NES: variants seen among roughly 807,000 people sequenced by gnomAD.
The protein encoded by NES is nestin.
In NES, 27 loss-of-function variants were observed where a neutral mutation model predicts 35.6. The observed-to-expected ratio is 0.76, with a 90% CI of 0.56 to 1.04. The LOEUF (loss-of-function observed/expected upper bound fraction) is 1.04, where lower values mean the gene tolerates loss of function less well. NES is among the 50% of genes least tolerant of loss of function. The probability of loss-of-function intolerance (pLI) is 0.00; values close to 1 mark genes in which losing one functional copy is unlikely to be tolerated. For missense variants in NES, 1,867 were observed against 1,983.6 expected (o/e 0.94, Z 1.12); for synonymous variants, 822 against 824.2 (o/e 1.00, Z 0.04).
rs1571468172 is a variant in NES, at chr1:156,677,371, G to A, written c.-107C>T. 2.1e-5 allele frequency: 10 copies of A among 487,156 alleles called. No homozygotes were observed. The highest frequency in any genetic ancestry group is 3.8e-5 in the Admixed American group (1 of 26,310). 30.2% of individuals were successfully genotyped at this position (487,156 alleles called of 1,614,324 possible). A position where few individuals can be genotyped will look rare whatever the true frequency, so the allele number is the denominator to read the frequency against. ...GAGAAAAGAGACCGACGGGGACAAT[G>A]ACGGGGCGGGGCGGGGTGGGAGTAG... On this transcript the variant is annotated 5_prime_UTR_variant, in exon 1 of 4. Transcript: ENST00000368223. This position sits in a 1 kb window ranked among gnomAD's most constrained non-coding sequence, Gnocchi z 4.5.
At chr1:156,675,549 C>A (rs1374979244) in intron 1 of NES, among the ~76,000 whole-genome samples, 1 of 152,198 alleles carries the variant, frequency 6.6e-6, no homozygotes, top group Non-Finnish European at 1.5e-5. Flanking sequence ...CCTGTCAGCA[C>A]TCTCAGCTCT....
Position 156,673,436 on chromosome 1 carries a change from C to A in NES, c.982+18G>T. The A allele has an allele frequency of 6.2e-7, 1 of 1,607,320 alleles. No homozygotes were observed. The highest frequency in any genetic ancestry group is 8.5e-7 in the Non-Finnish European group (1 of 1,175,062). On this transcript the variant is annotated intron_variant, in intron 3 of 3. Transcript: ENST00000368223. ...CAAAGCAGGGTAGTTTCTGGGGGAACTTGGCCCCTCCTCTTACCCTGAAAG... is the reference window on the plus strand; with the variant it reads ...CAAAGCAGGGTAGTTTCTGGGGGAAATTGGCCCCTCCTCTTACCCTGAAAG...
intron 1 of NES, among the ~76,000 whole-genome samples, chr1:156,675,821 A>C (rs1647269482): frequency 1.3e-5 from 2 of 151,174 alleles, no homozygotes; most frequent in Non-Finnish European, 1.5e-5. Flanking sequence ...GCAGGCTCTC[A>C]CCCCCGCCCC....
Position 156,672,053 on chromosome 1 carries a change from C to G in NES, c.2135G>C (p.Arg712Thr). 3.7e-6 allele frequency: 6 copies of G among 1,613,390 alleles called. No individual in the cohort carries two copies. The highest frequency in any genetic ancestry group is 5.1e-6 in the Non-Finnish European group (6 of 1,179,956). ...SLEDENKEAF[R>T]SLEKENQEPL... The stretch of plus-strand genomic sequence containing the variant: ...CTCCTGGTTCTCTTTTTCTAGAGAT[C>G]TAAAGGCCTCTTTGTTCTCATCTTC... The change falls in exon 4 of 4, where the codon AGA (arginine) becomes ACA (threonine). Residue 712 changes from arginine (R) to threonine (T), a missense_variant. By Grantham distance (71) the Arg-to-Thr change is moderately conservative (BLOSUM62 -1). Transcript: ENST00000368223.
rs1459683665 is a variant in NES at position 156,676,411 on chromosome 1, C to T, written c.783+71G>A. 4.0e-6 allele frequency: 6 copies of T among 1,516,432 alleles called. No individual in the cohort carries two copies. The Admixed American group carries it at 1.1e-4, about 27-fold the overall frequency. 93.9% of individuals were successfully genotyped at this position (1,516,432 alleles called of 1,614,324 possible). A position where few individuals can be genotyped will look rare whatever the true frequency, so the allele number is the denominator to read the frequency against. ...TAGCCCCACTCCCTTCCCAGAAGGT[C>T]TCTGAGCTTCATAAGGGACTTTCTG... is the stretch of plus-strand genomic sequence containing the variant. On this transcript the variant is annotated intron_variant, in intron 1 of 3. Transcript: ENST00000368223. This position sits in a 1 kb window ranked among gnomAD's most constrained non-coding sequence, Gnocchi z 5.3.
chr1:156,672,974 A>G lies in NES; in HGVS notation c.1214T>C (p.Ile405Thr). 1 of 1,613,978 alleles carries G rather than the reference A, an allele frequency of 6.2e-7. No homozygotes were observed. The change falls in exon 4 of 4, where the codon ATC (isoleucine) becomes ACC (threonine). Residue 405 changes from isoleucine to threonine, a missense_variant. Physicochemically the swap from Ile to Thr is moderately conservative, Grantham distance 89 (BLOSUM62 -1). Coordinates refer to ENST00000368223, the MANE Select transcript of NES (RefSeq NM_006617.2). The stretch of plus-strand genomic sequence containing the variant: ...AGAGAGAGGAGCATCCTGGGCTCTG[A>G]TCTCTGCATCTACAGCAGGAGAGGG... ...QAPSPAVDAE[I>T]RAQDAPLSLL...
chr1:156,670,212 C>T lies in NES; in HGVS notation c.3976G>A (p.Glu1326Lys). Residue 1326 changes from glutamate to lysine, a missense_variant, in exon 4 of 4, where the codon GAG becomes AAG. Coordinates refer to ENST00000368223, the MANE Select transcript of NES (RefSeq NM_006617.2). ...TGEQRPPPQGETGKEGWDPAV... is the reference protein window; with the variant it reads ...TGEQRPPPQGKTGKEGWDPAV... ...GGATCCCAGCCCTCCTTTCCAGTCT[C>T]CCCTTGAGGGGGTGGCCTCTGCTCT... The T allele has an allele frequency of 1.2e-6, 2 of 1,614,068 alleles. No homozygotes were observed. Among genetic ancestry groups the T allele is most frequent in the Non-Finnish European group, 1.7e-6 (2 of 1,179,980 alleles).
intron 2 of NES, among the ~76,000 whole-genome samples, chr1:156,673,992 C>T (rs894207351): frequency 2.6e-5 from 4 of 152,136 alleles, no homozygotes; most frequent in Non-Finnish European, 5.9e-5. Context: ...GGATGGGCTC[C>T]CTCCTCCTTC....
chr1:156,672,901 C>T lies in NES; in HGVS notation c.1287G>A (p.Arg429=). 6.2e-7 allele frequency: 1 copy of T among 1,613,982 alleles called. No homozygotes were observed. ...GGRKQAPEPL[R]AEARVAIPAS... ...CAGGAATGGCCACCCTGGCTTCAGCCCGCAGGGGCTCTGGAGCCTGTTTCC... is the reference window on the plus strand; with the variant it reads ...CAGGAATGGCCACCCTGGCTTCAGCTCGCAGGGGCTCTGGAGCCTGTTTCC... Residue 429 remains arginine (R), a synonymous_variant, in exon 4 of 4, where the codon CGG becomes CGA. Coordinates refer to ENST00000368223, the MANE Select transcript of NES (RefSeq NM_006617.2).
Position 156,671,879 on chromosome 1 carries a change from C to T in NES, c.2309G>A (p.Gly770Glu). 1.2e-6 allele frequency: 2 copies of T among 1,614,004 alleles called. No individual in the cohort carries two copies. The highest frequency in any genetic ancestry group is 8.5e-7 in the Non-Finnish European group (1 of 1,179,972). The change falls in exon 4 of 4, where the codon GGG (glycine) becomes GAG (glutamate). Residue 770 changes from glycine (G) to glutamate (E), a missense_variant. Gly to Glu is a moderately conservative substitution (Grantham distance 98). Coordinates refer to ENST00000368223, the MANE Select transcript of NES (RefSeq NM_006617.2). The part of the protein sequence containing the change: ...KETQQRRRSL[G>E]EQDQMTLRPP... Reference sequence around the variant, plus strand: ...TCTTAATGTCATCTGATCCTGTTCCCCTAGAGACCTCCGTCGCTGTTGAGT... The same window carrying T: ...TCTTAATGTCATCTGATCCTGTTCCTCTAGAGACCTCCGTCGCTGTTGAGT...
In NES at chr1:156,676,503, C is replaced by T. The variant is rs1307635210; in HGVS notation, c.762G>A (p.Leu254=). Residue 254 remains leucine, a synonymous_variant, in exon 1 of 4, where the codon CTG becomes CTA. Coordinates refer to ENST00000368223, the MANE Select transcript of NES (RefSeq NM_006617.2). This position sits in a 1 kb window ranked among gnomAD's most constrained non-coding sequence, Gnocchi z 5.3. ...TCACCTGGAACTTTTCAGTAGCCCGCAGCCGCTCCTGCCAGCGGCCCTCCA... is the reference window on the plus strand; with the variant it reads ...TCACCTGGAACTTTTCAGTAGCCCGTAGCCGCTCCTGCCAGCGGCCCTCCA... ...QRLEGRWQER[L]RATEKFQLAV... is the part of the protein sequence containing the mutation. The T allele has an allele frequency of 6.3e-7, 1 of 1,597,224 alleles. No individual in the cohort carries two copies. The highest frequency in any genetic ancestry group is 1.3e-5 in the African/African-American group (1 of 74,842).
chr1:156,672,044 T>G lies in NES; in HGVS notation c.2144A>C (p.Glu715Ala). ...CTTCAGTGGCTCCTGGTTCTCTTTT[T>G]CTAGAGATCTAAAGGCCTCTTTGTT... is the stretch of plus-strand genomic sequence containing the variant. ...DENKEAFRSL[E>A]KENQEPLKTL... Residue 715 changes from glutamate (E) to alanine (A), a missense_variant, in exon 4 of 4, where the codon GAA becomes GCA. Coordinates refer to ENST00000368223, the MANE Select transcript of NES (RefSeq NM_006617.2). The G allele has an allele frequency of 6.2e-7, 1 of 1,613,708 alleles. No individual in the cohort carries two copies.
Position 156,676,844 on chromosome 1 carries a change from G to C in NES, c.421C>G (p.Arg141Gly). Residue 141 changes from arginine (R) to glycine (G), a missense_variant, in exon 1 of 4, where the codon CGC (arginine) becomes GGC (glycine). Arg to Gly is a moderately radical substitution (Grantham distance 125, BLOSUM62 -2). Transcript: ENST00000368223. The surrounding 1 kb of genome is among the most constrained non-coding windows in gnomAD (Gnocchi z 5.3). Reference protein sequence around the residue: ...AELERELEALRVAHEEERVGL... With the variant: ...AELERELEALGVAHEEERVGL... ...ACGCGCTCCTCCTCGTGCGCCACGC[G>C]TAGAGCCTCTAGCTCGCGCTCCAGC... 6.7e-7 allele frequency: 1 copy of C among 1,491,538 alleles called. No individual in the cohort carries two copies. The highest frequency in any genetic ancestry group is 8.8e-7 in the Non-Finnish European group (1 of 1,134,604). The allele number at this position is 1,491,538 out of a possible 1,614,324, so 92.4% of individuals were successfully genotyped here.
rs1263318813 is a variant in NES, at chr1:156,676,499, C to T, written c.766G>A (p.Ala256Thr). 6.3e-7 allele frequency: 1 copy of T among 1,597,232 alleles called. No homozygotes were observed. The highest frequency in any genetic ancestry group is 8.5e-7 in the Non-Finnish European group (1 of 1,179,204). ...LEGRWQERLRATEKFQLAVEA... is the reference protein window; with the variant it reads ...LEGRWQERLRTTEKFQLAVEA... ...CTCCTCACCTGGAACTTTTCAGTAGCCCGCAGCCGCTCCTGCCAGCGGCCC... is the reference window on the plus strand; with the variant it reads ...CTCCTCACCTGGAACTTTTCAGTAGTCCGCAGCCGCTCCTGCCAGCGGCCC... Residue 256 changes from alanine (A) to threonine (T), a missense_variant, in exon 1 of 4, where the codon GCT (alanine) becomes ACT (threonine). Ala to Thr is a moderately conservative substitution (Grantham distance 58). Coordinates refer to ENST00000368223, the MANE Select transcript of NES (RefSeq NM_006617.2). The surrounding 1 kb of genome is among the most constrained non-coding windows in gnomAD (Gnocchi z 5.3).
chr1:156,676,718 C>CCAGT lies in NES; in HGVS notation c.543_546dup (p.Gly183ThrfsTer50). ...CGCACTGCCCCGCGCCACGCCTCGC[C>CCAGT]CAGTCGCCTTGCCAGCTCCTCTACC... is the stretch of plus-strand genomic sequence containing the variant. On this transcript the variant is annotated frameshift_variant, in exon 1 of 4. Coordinates refer to ENST00000368223, the MANE Select transcript of NES (RefSeq NM_006617.2). LOFTEE classifies it high-confidence loss of function. The surrounding 1 kb of genome is among the most constrained non-coding windows in gnomAD (Gnocchi z 5.3). 7.1e-7 allele frequency: 1 copy of CCAGT among 1,414,382 alleles called. No individual in the cohort carries two copies. Among genetic ancestry groups the CCAGT allele is most frequent in the Non-Finnish European group, 9.1e-7 (1 of 1,095,088 alleles). 87.6% of individuals were successfully genotyped at this position (1,414,382 alleles called of 1,614,324 possible).
chr1:156,672,104 T>A lies in NES; in HGVS notation c.2084A>T (p.Glu695Val). ...AAGAGACCTCAGGGGTTCCTGATTC[T>A]CCTTTGTCAGAGGTCTCAGTGCCTC... ...DEEALRPLTK[E>V]NQEPLRSLED... The change falls in exon 4 of 4, where the codon GAG becomes GTG. Residue 695 changes from glutamate to valine, a missense_variant. Transcript: ENST00000368223. The A allele has an allele frequency of 1.2e-6, 2 of 1,610,834 alleles. No individual in the cohort carries two copies.
Position 156,670,303 on chromosome 1 carries a change from A to G in NES, c.3885T>C (p.Leu1295=). ...AGAAGCCCAGGGGAGTGGAGTCTGG[A>G]AGGGTCTCCCCGAGCTCATCCTCCT... is the stretch of plus-strand genomic sequence containing the variant. ...ESEEDELGET[L]PDSTPLGFYL... is the part of the protein sequence containing the mutation. Residue 1295 remains leucine (L), a synonymous_variant, in exon 4 of 4, where the codon CTT becomes CTC. Transcript: ENST00000368223. The G allele has an allele frequency of 6.2e-7, 1 of 1,611,836 alleles. No individual in the cohort carries two copies. The highest frequency in any genetic ancestry group is 1.3e-5 in the African/African-American group (1 of 74,952).
intron 2 of NES, among the ~76,000 whole-genome samples, chr1:156,674,175 T>G (rs1679793784): frequency 6.6e-6 from 1 of 152,164 alleles, no homozygotes; most frequent in Admixed American, 6.5e-5. Context: ...CTCTAAGCAC[T>G]CTGGATCCCA....
In NES at chr1:156,669,835, G is replaced by T. The variant is rs1195477439; in HGVS notation, c.4353C>A (p.Ser1451Arg). Residue 1451 changes from serine (S) to arginine (R), a missense_variant, in exon 4 of 4, where the codon AGC becomes AGA. Ser to Arg is a moderately radical substitution (Grantham distance 110). Transcript: ENST00000368223. Reference protein sequence around the residue: ...SSVGSLQALSSSQRGEFLESD... With the variant: ...SSVGSLQALSRSQRGEFLESD... ...ACTCCAGGAATTCCCCTCTCTGGGA[G>T]CTACTCAGGGCCTGGAGGCTGCCAA... 1.4e-5 allele frequency: 22 copies of T among 1,613,842 alleles called. No individual in the cohort carries two copies. The highest frequency in any genetic ancestry group is 1.8e-5 in the Non-Finnish European group (21 of 1,179,958).
Sources: gnomAD v4.1 joint callset for allele counts (sites outside exome capture counted in the v4.1 genomes callset) on GRCh38, gnomAD v4.1.1 for gene constraint, Gnocchi (gnomAD v3.1) non-coding constraint, MANE v1.5 for transcripts, NCBI Gene and HGNC (gene_info 2026-07-23, HGNC 2026-07-21) for gene names.